The following PDE4D variants were observed in gnomAD, a reference collection of about 807,000 sequenced individuals.
The protein encoded by PDE4D is phosphodiesterase 4D, also known as 3',5'-cyclic-AMP phosphodiesterase 4D.
PDE4D carries 24 observed loss-of-function variants against 87.4 expected under a neutral mutation model. The ratio of observed to expected loss-of-function variants is 0.27; its 90% CI spans 0.20 to 0.39. The LOEUF (loss-of-function observed/expected upper bound fraction) is 0.39. PDE4D is among the 10% of genes least tolerant of loss of function. The probability of loss-of-function intolerance (pLI) is 1.00; values close to 1 mark genes in which losing one functional copy is unlikely to be tolerated. For synonymous variants in PDE4D, 384 were observed against 383.2 expected (o/e 1.00, Z -0.02); for missense variants, 714 against 1,041.0 (o/e 0.69, Z 4.32).
intron 2 of PDE4D, among the ~76,000 whole-genome samples, chr5:60,061,099 A>C (rs2152887681): frequency 6.6e-6 from 1 of 152,206 alleles, no homozygotes; most frequent in Non-Finnish European, 1.5e-5. Context: ...GGCAAGAGAA[A>C]GAAATAAAGC....
chr5:60,084,601 C>T (rs1441822881), intron 2 of PDE4D, among the ~76,000 whole-genome samples: 1 of 152,080 alleles, frequency 6.6e-6, no homozygotes, highest in Non-Finnish European at 1.5e-5. Context: ...GAAAACAAAA[C>T]AAGCAAGCTA....
Position 60,273,205 on chromosome 5 carries a change from A to G in PDE4D, c.-89-87518T>C, listed in dbSNP as rs541566500. 2.0e-5 allele frequency among the ~76,000 whole-genome samples: 3 copies of G among 152,240 alleles called. No individual in the cohort carries two copies. In the East Asian group the frequency reaches 5.8e-4, roughly 29 times the overall value. ...AGAGGGCATGTAACTCACCCTTGAG[A>G]GAGGCAGGGTCAAGGAAGTCATCTA... On this transcript the variant is annotated intron_variant, in intron 1 of 16. Coordinates refer to the PDE4D transcript ENST00000502484.
At chr5:60,283,352 T>C (rs1347644034) in intron 1 of PDE4D, among the ~76,000 whole-genome samples, 3 of 152,160 alleles carry the variant, frequency 2.0e-5, no homozygotes, top group Non-Finnish European at 4.4e-5. Context: ...GTTTTACTCA[T>C]ACTTTGAGAC....
At chr5:59,918,126 A>C (rs116299149) in intron 3 of PDE4D, among the ~76,000 whole-genome samples, 1 of 152,080 alleles carries the variant, frequency 6.6e-6, no homozygotes, top group Admixed American at 6.5e-5. Flanking sequence ...TATAACCATC[A>C]TTTGAAATAA....
At chr5:59,922,401 C>G (rs578091308) in intron 3 of PDE4D, among the ~76,000 whole-genome samples, 2 of 152,228 alleles carry the variant, frequency 1.3e-5, no homozygotes, top group South Asian at 4.1e-4. Flanking sequence ...TGCCACCCCA[C>G]CCCCAACCCT....
At chr5:60,206,630 G>A (rs1161910625) in intron 1 of PDE4D, among the ~76,000 whole-genome samples, 1 of 152,194 alleles carries the variant, frequency 6.6e-6, no homozygotes, top group African/African-American at 2.4e-5. Context: ...CTGAAAATAT[G>A]TGTGCTCATA....
chr5:60,388,888 C>T (rs185450331), intron 1 of PDE4D, among the ~76,000 whole-genome samples: 23 of 152,218 alleles, frequency 1.5e-4, no homozygotes, highest in Non-Finnish European at 2.4e-4. Context: ...TTATCAATAA[C>T]GACAGCTAAA....
At chr5:59,820,998 G>A (rs1343264839) in intron 1 of PDE4D, among the ~76,000 whole-genome samples, 12 of 152,116 alleles carry the variant, frequency 7.9e-5, no homozygotes, top group African/African-American at 2.4e-4. Flanking sequence ...TTGGGAGGCC[G>A]AGGTGGGCAG....
intron 1 of PDE4D, among the ~76,000 whole-genome samples, chr5:59,552,201 A>C (rs1583087152): frequency 6.6e-6 from 1 of 152,198 alleles, no homozygotes; most frequent in Admixed American, 6.6e-5. Flanking sequence ...CCTGGACAAC[A>C]GTAAGAAAGT....
At chr5:59,509,559 T>C (rs1219238330) in intron 1 of PDE4D, among the ~76,000 whole-genome samples, 2 of 151,664 alleles carry the variant, frequency 1.3e-5, no homozygotes, top group Non-Finnish European at 3.0e-5. Flanking sequence ...AAAAATCTAT[T>C]CTTTTGTATT....
At chr5:59,663,470 C>G (rs1745582908) in intron 1 of PDE4D, among the ~76,000 whole-genome samples, 2 of 152,124 alleles carry the variant, frequency 1.3e-5, no homozygotes, top group Admixed American at 1.3e-4. Flanking sequence ...CGTGCCCAGC[C>G]TCTGTTGATA....
At chr5:59,212,159 T>C (rs1750226096) in intron 2 of PDE4D, among the ~76,000 whole-genome samples, 2 of 152,156 alleles carry the variant, frequency 1.3e-5, no homozygotes, top group Non-Finnish European at 2.9e-5. Context: ...CATAGCATTA[T>C]TGTGAACTAG....
intron 5 of PDE4D, among the ~76,000 whole-genome samples, chr5:59,093,906 A>T (rs1275836889): frequency 6.6e-6 from 1 of 152,144 alleles, no homozygotes; most frequent in Non-Finnish European, 1.5e-5. Flanking sequence ...CTTCTGACAT[A>T]AGAACATATA....
chr5:59,139,909 A>G (rs1295890532), intron 5 of PDE4D, among the ~76,000 whole-genome samples: 1 of 152,192 alleles, frequency 6.6e-6, no homozygotes, highest in East Asian at 1.9e-4. Flanking sequence ...ACAAACTTCA[A>G]TGTCTACCAT....
At chr5:59,691,756 T>TC (rs1750984243) in intron 1 of PDE4D, among the ~76,000 whole-genome samples, 1 of 151,744 alleles carries the variant, frequency 6.6e-6, no homozygotes, top group African/African-American at 2.4e-5. Context: ...AGCCAAACTA[T>TC]TTTAAGATGA....
chr5:59,222,380 G>A (rs566447563), intron 1 of PDE4D, among the ~76,000 whole-genome samples: 4 of 152,104 alleles, frequency 2.6e-5, no homozygotes, highest in African/African-American at 4.8e-5. Context: ...CCAGAGTCCT[G>A]CTACTGTGCT....
At chr5:59,511,642 T>C (rs1216601131) in intron 1 of PDE4D, among the ~76,000 whole-genome samples, 2 of 152,022 alleles carry the variant, frequency 1.3e-5, no homozygotes, top group Non-Finnish European at 2.9e-5. Flanking sequence ...TAAAATTCCT[T>C]AAAATGAGCT....
At chr5:59,215,501 A>T (rs772297131) in intron 2 of PDE4D, 2 of 370,508 alleles carry the variant, frequency 5.4e-6, no homozygotes, top group Admixed American at 4.5e-5. Flanking sequence ...TCCATTAAAA[A>T]TTTAATTCTC....
rs1347191692 is a variant in PDE4D, at chr5:59,337,411, A to G, written c.456-121443T>C. Among the ~76,000 whole-genome samples, 46 of 134,422 alleles carry G rather than the reference A, an allele frequency of 3.4e-4. 1 individual carries two copies. 88.2% of individuals were successfully genotyped at this position (134,422 alleles called of 152,430 possible). On this transcript the variant is annotated intron_variant, in intron 1 of 14. Transcript: ENST00000340635. ...CAGTGGTGTGATCTCGGCTCACTGC[A>G]GGCTCCGTCCCCCGGGGTTCACGCC... is the stretch of plus-strand genomic sequence containing the variant.
Sources: allele counts gnomAD v4.1 joint callset (sites outside exome capture counted in the v4.1 genomes callset), GRCh38; gene constraint gnomAD v4.1.1; transcripts MANE v1.5; gene names NCBI Gene and HGNC (gene_info 2026-07-23, HGNC 2026-07-21).